The following GARNL3 variants were observed in gnomAD, a reference collection of about 807,000 sequenced individuals.
GARNL3 encodes the protein GTPase activating Rap/RanGAP domain like 3.
GARNL3 carries 63 observed loss-of-function variants against 125.0 expected under a neutral mutation model. The ratio of observed to expected loss-of-function variants is 0.50; its 90% confidence interval spans 0.41 to 0.62. The LOEUF (loss-of-function observed/expected upper bound fraction) is 0.62, where lower values mean the gene tolerates loss of function less well. Ranked by LOEUF, GARNL3 falls within the 20% of genes least tolerant of loss-of-function variation. The pLI, the probability that GARNL3 is intolerant of heterozygous loss-of-function variation, is 0.00. For missense variants in GARNL3, 994 were observed against 1,244.0 expected, an observed-to-expected ratio of 0.80 and a Z score of 3.02; for synonymous variants, 439 against 457.5, an observed-to-expected ratio of 0.96 and a Z score of 0.52.
chr9:127,267,062 C>A (rs2063720549), intron 1 of GARNL3, among the ~76,000 whole-genome samples: 1 of 152,082 alleles, frequency 6.6e-6, no homozygotes, highest in Non-Finnish European at 1.5e-5. Flanking sequence ...AACAAGTTCC[C>A]AGATTGATAT....
At chr9:127,340,429 C>T (rs1376007399) in intron 13 of GARNL3, among the ~76,000 whole-genome samples, 6 of 152,096 alleles carry the variant, frequency 3.9e-5, no homozygotes, top group East Asian at 1.9e-4. Flanking sequence ...ACAAGTTACT[C>T]GGGTTCATCT....
chr9:127,343,637 T>C (rs1186225046), intron 14 of GARNL3, among the ~76,000 whole-genome samples: 4 of 152,238 alleles, frequency 2.6e-5, no homozygotes, highest in Non-Finnish European at 4.4e-5. Flanking sequence ...CGGTACTTGC[T>C]GATTGAATGA....
chr9:127,390,637 C>T lies in GARNL3; in HGVS notation c.2744-4C>T. On this transcript the variant is annotated splice_region_variant and splice_polypyrimidine_tract_variant and intron_variant, in intron 26 of 27. Transcript: ENST00000373387. The stretch of plus-strand genomic sequence containing the variant: ...GACCCTCTGACCTATGATTCTCAAT[C>T]CAGGCCTCTCGGATGAAGGTGGACC... 5 of 1,613,798 alleles carry T rather than the reference C, an allele frequency of 3.1e-6. No individual in the cohort carries two copies. Among genetic ancestry groups the T allele is most frequent in the Non-Finnish European group, 4.2e-6 (5 of 1,179,812 alleles).
At chr9:127,382,527 A>C (rs1328682653) in intron 22 of GARNL3, among the ~76,000 whole-genome samples, 1 of 151,978 alleles carries the variant, frequency 6.6e-6, no homozygotes, top group Admixed American at 6.6e-5. Context: ...TAGGAGGCTC[A>C]CTTTAGCCTG....
Position 127,385,395 on chromosome 9 carries a change from A to G in GARNL3, c.2388+250A>G, listed in dbSNP as rs562921792. ...CTGGTGCTGGTGGCAGCTGGGGAGC[A>G]CTTAGCTGAAAAGAGATATCCCCGC... On this transcript the variant is annotated intron_variant, in intron 24 of 27. Coordinates refer to ENST00000373387, the MANE Select transcript of GARNL3 (RefSeq NM_032293.5). The surrounding 1 kb of genome is among the most constrained non-coding windows in gnomAD (Gnocchi z 4.1). Among the ~76,000 whole-genome samples the G allele has an allele frequency of 1.9e-4, 29 of 152,128 alleles. No individual in the cohort carries two copies. The highest frequency in any genetic ancestry group is 4.0e-4 in the Non-Finnish European group (27 of 68,032).
intron 12 of GARNL3, among the ~76,000 whole-genome samples, chr9:127,339,164 G>A (rs1413467814): frequency 1.3e-5 from 2 of 152,092 alleles, no homozygotes; most frequent in Non-Finnish European, 1.5e-5. Context: ...GGGCGTGGTG[G>A]CAGGTGCCTG....
At chr9:127,231,790 A>G (rs191057858) in intron 1 of GARNL3, among the ~76,000 whole-genome samples, 4 of 152,332 alleles carry the variant, frequency 2.6e-5, no homozygotes, top group Non-Finnish European at 5.9e-5. Context: ...TTGCTAATAC[A>G]GTTCTCAAAC....
intron 2 of GARNL3, among the ~76,000 whole-genome samples, chr9:127,258,656 G>T (rs2063533803): frequency 6.6e-6 from 1 of 152,086 alleles, no homozygotes; most frequent in South Asian, 2.1e-4. Flanking sequence ...AAAAAGAAAA[G>T]AAATTAATGT....
At chr9:127,240,230 T>TG (rs150936984) in intron 1 of GARNL3, among the ~76,000 whole-genome samples, 1 of 151,872 alleles carries the variant, frequency 6.6e-6, no homozygotes. Context: ...GGGAGTGGGG[T>TG]GGGGGGTGTC....
chr9:127,308,969 C>T (rs2065026524), intron 2 of GARNL3, among the ~76,000 whole-genome samples: 2 of 152,138 alleles, frequency 1.3e-5, no homozygotes, highest in South Asian at 4.1e-4. Context: ...AAAAGGTAAA[C>T]ATGCTTTTTT....
intron 1 of GARNL3, among the ~76,000 whole-genome samples, chr9:127,225,966 G>C (rs1456731450): frequency 1.3e-5 from 2 of 152,200 alleles, no homozygotes; most frequent in Non-Finnish European, 2.9e-5. Flanking sequence ...AGCTTCCCTG[G>C]CAGTCCCTGA....
intron 22 of GARNL3, among the ~76,000 whole-genome samples, chr9:127,373,620 C>T (rs1316288325): frequency 1.3e-5 from 2 of 152,208 alleles, no homozygotes; most frequent in East Asian, 3.9e-4. Context: ...AACATCAAAG[C>T]CTAAAAGTAC....
rs538908988 is a variant in GARNL3, at chr9:127,355,477, G to T, written c.1935+5G>T. 1.4e-5 allele frequency: 22 copies of T among 1,613,772 alleles called. No homozygotes were observed. In the East Asian group the frequency reaches 4.5e-4, roughly 33 times the overall value. On this transcript the variant is annotated splice_donor_5th_base_variant and intron_variant, in intron 20 of 27. Transcript: ENST00000373387. ...GAAGAATTCCAGTACATCAGGGTAGGTTTGCTCTTTAAATCATTTATCTCC... is the reference window on the plus strand; with the variant it reads ...GAAGAATTCCAGTACATCAGGGTAGTTTTGCTCTTTAAATCATTTATCTCC...
chr9:127,390,541 C>A, intron 26 of GARNL3, 100 bp from the exon 27 acceptor site: 1 of 1,038,136 alleles, frequency 9.6e-7, no homozygotes, highest in South Asian at 1.5e-5. Flanking sequence ...GACTCTAGCA[C>A]AACAATGCAC....
At chr9:127,391,348 A>T (rs1426939464) in intron 27 of GARNL3, among the ~76,000 whole-genome samples, 3 of 144,406 alleles carry the variant, frequency 2.1e-5, no homozygotes, top group Non-Finnish European at 4.5e-5. Flanking sequence ...ATATATATGT[A>T]GAGAGAGAGA....
intron 22 of GARNL3, among the ~76,000 whole-genome samples, chr9:127,378,378 G>A (rs1044827858): frequency 2.6e-5 from 4 of 152,014 alleles, no homozygotes; most frequent in Admixed American, 2.6e-4. Flanking sequence ...CCTGAGGTCG[G>A]GAGTTCAAGA....
chr9:127,269,568 T>A (rs985301399), intron 1 of GARNL3, among the ~76,000 whole-genome samples: 2 of 152,238 alleles, frequency 1.3e-5, no homozygotes, highest in African/African-American at 4.8e-5. Flanking sequence ...TCCACAATCT[T>A]GACAACACCT....
chr9:127,302,827 A>G (rs2064840092), intron 2 of GARNL3, among the ~76,000 whole-genome samples: 1 of 152,226 alleles, frequency 6.6e-6, no homozygotes, highest in Admixed American at 6.5e-5. Context: ...GTTGTTAAAA[A>G]GAACAAAATA....
At position 127,313,692 on chromosome 9, in the gene GARNL3, T is replaced by C. The variant is rs78150372; in HGVS notation, c.438+133T>C. ...CTTCTCGTGATTCACCTCTGAGAAG[T>C]TGACAGTGCCTTTGCCCAAAGCACC... On this transcript the variant is annotated intron_variant, in intron 4 of 27. Transcript: ENST00000373387. 8,657 of 707,952 alleles carry C rather than the reference T, an allele frequency of 0.012. 496 individuals carry two copies. The African/African-American group carries it at 0.13, about 11-fold the overall frequency. 43.9% of individuals were successfully genotyped at this position (707,952 alleles called of 1,614,324 possible).
Sources: gnomAD v4.1 joint callset for allele counts (sites outside exome capture counted in the v4.1 genomes callset) on GRCh38, gnomAD v4.1.1 for gene constraint, Gnocchi (gnomAD v3.1) non-coding constraint, MANE v1.5 for transcripts, NCBI Gene and HGNC (gene_info 2026-07-23, HGNC 2026-07-21) for gene names.